EVC2: variants seen among roughly 807,000 people sequenced by gnomAD.
The protein encoded by EVC2 is EvC ciliary complex subunit 2.
EVC2 carries 148 observed loss-of-function variants against 149.3 expected under a neutral mutation model. The observed-to-expected ratio is 0.99, with a 90% CI of 0.87 to 1.14. EVC2 has a LOEUF of 1.14. Among genes scored for constraint, EVC2 ranks in the 50% most tolerant of loss-of-function variants. The pLI is 0.00. For missense variants in EVC2, 1,854 were observed against 1,627.3 expected (o/e 1.14, Z -2.40); for synonymous variants, 776 against 649.9 (o/e 1.19, Z -2.95).
intron 16 of EVC2, among the ~76,000 whole-genome samples, chr4:5,610,144 G>A (rs556618241): frequency 6.6e-6 from 1 of 152,264 alleles, no homozygotes; most frequent in African/African-American, 2.4e-5. Flanking sequence ...TAGATGGAAA[G>A]CACTTAGCTC....
chr4:5,655,112 A>G (rs2108884642), intron 9 of EVC2, among the ~76,000 whole-genome samples: 1 of 152,330 alleles, frequency 6.6e-6, no homozygotes, highest in Non-Finnish European at 1.5e-5. Flanking sequence ...CGACAGCGAG[A>G]GTTGCCGTGG....
chr4:5,676,285 CAT>C (rs1166830875), intron 7 of EVC2, among the ~76,000 whole-genome samples: 16 of 152,222 alleles, frequency 1.1e-4, no homozygotes, highest in Admixed American at 3.3e-4. Context: ...CCTTGGCTGA[CAT>C]GTGTCAGTTT....
chr4:5,568,064 C>T (rs999432486), intron 20 of EVC2, among the ~76,000 whole-genome samples: 1 of 152,160 alleles, frequency 6.6e-6, no homozygotes, highest in Non-Finnish European at 1.5e-5. Context: ...CACACTCACA[C>T]ATTTACATAC....
At chr4:5,589,226 G>C (rs1207717572) in intron 16 of EVC2, among the ~76,000 whole-genome samples, 2 of 152,128 alleles carry the variant, frequency 1.3e-5, no homozygotes, top group African/African-American at 4.8e-5. Flanking sequence ...ACTAGCATAG[G>C]GCTCATTATT....
intron 9 of EVC2, among the ~76,000 whole-genome samples, chr4:5,646,890 A>G (rs1370853591): frequency 1.3e-5 from 2 of 152,220 alleles, no homozygotes; most frequent in African/African-American, 4.8e-5. Context: ...AAGACTGGTA[A>G]GTAAATTAAA....
At chr4:5,565,130 T>A in intron 21 of EVC2, 128 bp downstream of exon 21, 1 of 859,384 alleles carries the variant, frequency 1.2e-6, no homozygotes, top group South Asian at 1.3e-5. Context: ...TTTGTGGTCT[T>A]CAGGGTCACA....
At position 5,645,064 on chromosome 4, in the gene EVC2, A is replaced by C. The variant is rs552908272; in HGVS notation, c.1146-4226T>G. Among the ~76,000 whole-genome samples, 3 of 152,226 alleles carry C rather than the reference A, an allele frequency of 2.0e-5. No individual in the cohort carries two copies. In the East Asian group the frequency reaches 5.8e-4, roughly 29 times the overall value. Reference sequence around the variant, plus strand: ...CCCAGTAGTGGAATGGCTGGATCACATGTTGGTTCTATTTTTAGTTTTTGA... The same window carrying C: ...CCCAGTAGTGGAATGGCTGGATCACCTGTTGGTTCTATTTTTAGTTTTTGA... On this transcript the variant is annotated intron_variant, in intron 9 of 21. Coordinates refer to ENST00000344408, the MANE Select transcript of EVC2 (RefSeq NM_147127.5).
intron 16 of EVC2, among the ~76,000 whole-genome samples, chr4:5,608,868 G>C (rs1714606459): frequency 6.6e-6 from 1 of 152,154 alleles, no homozygotes; most frequent in Non-Finnish European, 1.5e-5. Flanking sequence ...AGATAGTAGA[G>C]ATTACCCTCC....
rs1338555199 is a variant in EVC2, at chr4:5,576,484, C to G, written c.3058-30G>C. The G allele has an allele frequency of 6.4e-7, 1 of 1,558,892 alleles. No homozygotes were observed. ...ACAAGGAAGGGGCAGAGGGTAAGCA[C>G]CACTGCACAAGGCGGGTGGGGTGGA... On this transcript the variant is annotated intron_variant, in intron 17 of 21. Coordinates refer to ENST00000344408, the MANE Select transcript of EVC2 (RefSeq NM_147127.5). The surrounding 1 kb of genome is among the most constrained non-coding windows in gnomAD (Gnocchi z 4.5).
intron 9 of EVC2, among the ~76,000 whole-genome samples, chr4:5,654,921 C>T (rs894892143): frequency 1.3e-5 from 2 of 152,176 alleles, no homozygotes; most frequent in East Asian, 3.9e-4. Context: ...CTTCTCGGCA[C>T]GAGTCCTCTC....
intron 20 of EVC2, among the ~76,000 whole-genome samples, chr4:5,566,368 C>T (rs890932248): frequency 1.3e-5 from 2 of 152,172 alleles, no homozygotes; most frequent in African/African-American, 2.4e-5. Flanking sequence ...GAGTCTAACT[C>T]CTGGAGCAGA....
chr4:5,617,700 G>C (rs1308111888), intron 15 of EVC2, among the ~76,000 whole-genome samples: 2 of 152,214 alleles, frequency 1.3e-5, no homozygotes, highest in Middle Eastern at 3.2e-3. Context: ...CATTTGAGCT[G>C]AGACCTCAAT....
In EVC2 at chr4:5,631,869, A is replaced by G. The variant is rs374645597; in HGVS notation, c.1634T>C (p.Ile545Thr). 2.2e-5 allele frequency: 36 copies of G among 1,614,108 alleles called. No homozygotes were observed. The highest frequency in any genetic ancestry group is 2.7e-5 in the African/African-American group (2 of 74,950). The change falls in exon 11 of 22, where the codon ATA becomes ACA. Residue 545 changes from isoleucine (I) to threonine (T), a missense_variant. Transcript: ENST00000344408. ...NELHSIFFTQ[I>T]KSAIFKGELK... ...TTCCCCTTTGAAAATAGCACTTTTT[A>G]TCTGGGTAAAAAAGATACTGTGCAG...
In EVC2 at chr4:5,686,086, C is replaced by T. The variant is rs916644952; in HGVS notation, c.707-607G>A. Reference sequence around the variant, plus strand: ...CACATATATAACATATATACACACACATATATATTACACACACACACACAC... The same window carrying T: ...CACATATATAACATATATACACACATATATATATTACACACACACACACAC... On this transcript the variant is annotated intron_variant, in intron 5 of 21. Transcript: ENST00000344408. The surrounding 1 kb of genome is among the most constrained non-coding windows in gnomAD (Gnocchi z 5.4). Among the ~76,000 whole-genome samples the T allele has an allele frequency of 1.3e-5, 1 of 76,738 alleles. No individual in the cohort carries two copies. Among genetic ancestry groups the T allele is most frequent in the Non-Finnish European group, 2.3e-5 (1 of 42,654 alleles). 50.3% of individuals were successfully genotyped at this position (76,738 alleles called of 152,430 possible). A position where few individuals can be genotyped will look rare whatever the true frequency, so the allele number is the denominator to read the frequency against.
At chr4:5,623,096 C>T in intron 13 of EVC2, 105 bp from the exon 14 acceptor site, 1 of 1,027,310 alleles carries the variant, frequency 9.7e-7, no homozygotes, top group South Asian at 1.6e-5. Flanking sequence ...ATAGCCTTTT[C>T]CCCAACAATC....
chr4:5,625,180 T>A lies in EVC2; in HGVS notation c.2046+569A>T, dbSNP rs887312449. Among the ~76,000 whole-genome samples the A allele has an allele frequency of 6.6e-6, 1 of 152,040 alleles. No homozygotes were observed. Among genetic ancestry groups the A allele is most frequent in the African/African-American group, 2.4e-5 (1 of 41,404 alleles). ...CTTAGCACGGCACACCATGCCCCCA[T>A]TGACTTGCTGCTGCATTCCCTTCCA... On this transcript the variant is annotated intron_variant, in intron 13 of 21. Coordinates refer to ENST00000344408, the MANE Select transcript of EVC2 (RefSeq NM_147127.5). This position sits in a 1 kb window ranked among gnomAD's most constrained non-coding sequence, Gnocchi z 4.0.
At chr4:5,623,443 G>T (rs1489474323) in intron 13 of EVC2, among the ~76,000 whole-genome samples, 1 of 151,998 alleles carries the variant, frequency 6.6e-6, no homozygotes, top group Admixed American at 6.5e-5. Flanking sequence ...AGGTTCAAGT[G>T]ATTCTGCTGC....
rs886731691 is a variant in EVC2, at chr4:5,679,268, C to A, written c.870+1992G>T. 7.2e-5 allele frequency among the ~76,000 whole-genome samples: 11 copies of A among 152,084 alleles called. No homozygotes were observed. The highest frequency in any genetic ancestry group is 2.7e-4 in the African/African-American group (11 of 41,430). ...TTATTTATGTTGAGACAGAGTCTCACTCTGTTAACCAGGCTGGAGTGCAGT... is the reference window on the plus strand; with the variant it reads ...TTATTTATGTTGAGACAGAGTCTCAATCTGTTAACCAGGCTGGAGTGCAGT... On this transcript the variant is annotated intron_variant, in intron 7 of 21. Transcript: ENST00000344408. The surrounding 1 kb of genome is among the most constrained non-coding windows in gnomAD (Gnocchi z 5.1).
chr4:5,647,709 G>A (rs115711369), intron 9 of EVC2, among the ~76,000 whole-genome samples: 1,815 of 152,326 alleles, frequency 0.012, 28 homozygotes, highest in African/African-American at 0.042. Flanking sequence ...TGGCAGGGAG[G>A]ACAGTGCCCC....
Sources: allele counts gnomAD v4.1 joint callset (sites outside exome capture counted in the v4.1 genomes callset), GRCh38; gene constraint gnomAD v4.1.1; non-coding constraint Gnocchi (gnomAD v3.1); transcripts MANE v1.5; gene names NCBI Gene and HGNC (gene_info 2026-07-23, HGNC 2026-07-21).